INPP4B: variants seen among roughly 807,000 people sequenced by gnomAD.
INPP4B encodes inositol polyphosphate-4-phosphatase type II B, also known as inositol polyphosphate 4-phosphatase type II.
A neutral mutation model predicts 122.5 loss-of-function variants in INPP4B; 55 were observed. The observed-to-expected ratio is 0.45, with a 90% CI of 0.36 to 0.56. INPP4B has a LOEUF of 0.56. INPP4B is among the 20% of genes least tolerant of loss of function. The probability of loss-of-function intolerance (pLI) is 0.00; values close to 1 mark genes in which losing one functional copy is unlikely to be tolerated. For missense variants in INPP4B, 1,000 were observed against 1,097.7 expected (o/e 0.91, Z 1.26); for synonymous variants, 403 against 388.7 (o/e 1.04, Z -0.43).
chr4:142,028,927 G>GAA lies in INPP4B; in HGVS notation c.2643-15_2643-14dup. ...GCGGCATCCTTCTCTGGTGAAAGGG[G>GAA]AAAAAGTACAACTTCATGAAACACA... On this transcript the variant is annotated splice_polypyrimidine_tract_variant and intron_variant, in intron 25 of 25. Coordinates refer to ENST00000262992, the MANE Select transcript of INPP4B (RefSeq NM_001101669.3). 1 of 1,603,274 alleles carries GAA rather than the reference G, an allele frequency of 6.2e-7. No homozygotes were observed. The highest frequency in any genetic ancestry group is 1.3e-5 in the African/African-American group (1 of 74,464).
chr4:142,241,794 T>C (rs1187777557), intron 11 of INPP4B, among the ~76,000 whole-genome samples: 2 of 152,168 alleles, frequency 1.3e-5, no homozygotes, highest in African/African-American at 4.8e-5. Flanking sequence ...ATTTTGGAAA[T>C]ACAGATTCAG....
Position 142,665,778 on chromosome 4 carries a change from C to G in INPP4B, c.-191+60061G>C, listed in dbSNP as rs141318255. ...AACTAATGTCATATTTATAATACTT[C>G]TTTTGCTTGATAAATCAATATATAA... On this transcript the variant is annotated intron_variant, in intron 2 of 25. Coordinates refer to ENST00000262992, the MANE Select transcript of INPP4B (RefSeq NM_001101669.3). Among the ~76,000 whole-genome samples the G allele has an allele frequency of 9.3e-3, 1,422 of 152,122 alleles. 6 individuals are homozygous for G. Among genetic ancestry groups the G allele is most frequent in the Non-Finnish European group, 0.016 (1,078 of 68,000 alleles).
chr4:142,347,196 T>C (rs942343199), intron 7 of INPP4B, among the ~76,000 whole-genome samples: 8 of 152,056 alleles, frequency 5.3e-5, no homozygotes, highest in Non-Finnish European at 1.0e-4. Flanking sequence ...TTTTTTCAAG[T>C]TAACCTAGCA....
intron 25 of INPP4B, among the ~76,000 whole-genome samples, chr4:142,039,492 T>G (rs149297848): frequency 1.3e-5 from 2 of 152,098 alleles, no homozygotes; most frequent in African/African-American, 4.8e-5. Context: ...AGAGGATGTC[T>G]AAACATTGCT....
intron 7 of INPP4B, among the ~76,000 whole-genome samples, chr4:142,358,461 T>C (rs1452841156): frequency 6.6e-6 from 1 of 151,770 alleles, no homozygotes; most frequent in Non-Finnish European, 1.5e-5. Context: ...ATTGCAAACT[T>C]CTTAATTTCT....
At chr4:142,520,823 A>G (rs1825982914) in intron 2 of INPP4B, among the ~76,000 whole-genome samples, 1 of 152,000 alleles carries the variant, frequency 6.6e-6, no homozygotes, top group Non-Finnish European at 1.5e-5. Context: ...AAATGAATGA[A>G]TAAATGAAGG....
chr4:142,538,927 A>G (rs2059511), intron 2 of INPP4B, among the ~76,000 whole-genome samples: 35,436 of 151,676 alleles, frequency 0.23, 5,272 homozygotes, highest in East Asian at 0.78. Context: ...AATTAGTGAC[A>G]ATGGTGAGGC....
At position 142,596,529 on chromosome 4, in the gene INPP4B, C is replaced by A. The variant is rs150340910; in HGVS notation, c.-191+129310G>T. On this transcript the variant is annotated intron_variant, in intron 2 of 25. Transcript: ENST00000262992. ...AAGAGCCATCCAAAAAACCCACAAA[C>A]CTGTGAGAAAAGTGACTCACATTTT... Among the ~76,000 whole-genome samples the A allele has an allele frequency of 2.7e-3, 409 of 152,306 alleles. 6 individuals are homozygous for A. The highest frequency in any genetic ancestry group is 0.018 in the East Asian group (95 of 5,176).
intron 7 of INPP4B, among the ~76,000 whole-genome samples, chr4:142,394,323 T>C (rs1469623284): frequency 5.3e-5 from 8 of 152,098 alleles, no homozygotes; most frequent in Admixed American, 1.3e-4. Context: ...TTTTTTGGAT[T>C]TTTAGTAGAG....
intron 2 of INPP4B, among the ~76,000 whole-genome samples, chr4:142,629,409 G>T (rs1747396793): frequency 6.6e-6 from 1 of 152,052 alleles, no homozygotes; most frequent in Non-Finnish European, 1.5e-5. Flanking sequence ...AATGATATTA[G>T]CTTCAACAGG....
At chr4:142,519,477 G>A (rs1218427255) in intron 2 of INPP4B, among the ~76,000 whole-genome samples, 2 of 152,046 alleles carry the variant, frequency 1.3e-5, no homozygotes, top group African/African-American at 4.8e-5. Context: ...CTGCTAACTG[G>A]CAGAATTGAG....
chr4:142,545,998 A>G (rs1829605335), intron 2 of INPP4B, among the ~76,000 whole-genome samples: 1 of 151,758 alleles, frequency 6.6e-6, no homozygotes. Context: ...AACTTGTGTC[A>G]TGGGTGTTTT....
At chr4:142,442,415 A>AAAG (rs1257267586) in intron 3 of INPP4B, among the ~76,000 whole-genome samples, 6 of 150,728 alleles carry the variant, frequency 4.0e-5, no homozygotes, top group Non-Finnish European at 5.9e-5. Context: ...CCATCTCAAA[A>AAAG]AAAAAAAAAA....
intron 9 of INPP4B, among the ~76,000 whole-genome samples, chr4:142,273,863 A>G (rs1267771249): frequency 6.6e-6 from 1 of 151,898 alleles, no homozygotes; most frequent in Non-Finnish European, 1.5e-5. Flanking sequence ...TATAAACTAA[A>G]GAACTAAACA....
chr4:142,055,812 C>T (rs570453604), intron 25 of INPP4B, among the ~76,000 whole-genome samples: 2 of 151,764 alleles, frequency 1.3e-5, no homozygotes, highest in African/African-American at 2.4e-5. Flanking sequence ...TTTCCACTGA[C>T]CTGGGGGTGG....
chr4:142,564,020 TTGTTA>T (rs1731041915), intron 2 of INPP4B, among the ~76,000 whole-genome samples: 1 of 152,172 alleles, frequency 6.6e-6, no homozygotes, highest in Non-Finnish European at 1.5e-5. Context: ...AAACAAGCAG[TTGTTA>T]TTTCAAGACC....
chr4:142,391,137 T>C (rs1376506952), intron 7 of INPP4B, among the ~76,000 whole-genome samples: 6 of 152,216 alleles, frequency 3.9e-5, no homozygotes, highest in African/African-American at 1.4e-4. Context: ...ACTAAAATTG[T>C]TTTGATATAC....
At chr4:142,681,439 A>T (rs1030320461) in intron 2 of INPP4B, among the ~76,000 whole-genome samples, 2 of 151,894 alleles carry the variant, frequency 1.3e-5, no homozygotes, top group African/African-American at 4.8e-5. Flanking sequence ...ACTTCACAAA[A>T]TTCTAAATAT....
intron 9 of INPP4B, among the ~76,000 whole-genome samples, chr4:142,290,996 C>T (rs1344575061): frequency 6.6e-6 from 1 of 152,046 alleles, no homozygotes; most frequent in African/African-American, 2.4e-5. Flanking sequence ...CTCAAATCAG[C>T]CTTATGAGAT....
Sources: gnomAD v4.1 joint callset for allele counts (sites outside exome capture counted in the v4.1 genomes callset) on GRCh38, gnomAD v4.1.1 for gene constraint, MANE v1.5 for transcripts, NCBI Gene and HGNC (gene_info 2026-07-23, HGNC 2026-07-21) for gene names.